Variants in IQCM observed in about 807,000 individuals in gnomAD.
IQCM encodes the protein IQ motif containing M.
Under a neutral mutation model 57.6 loss-of-function variants are expected in IQCM, and 45 were observed. That is an observed-to-expected ratio of 0.78 (90% CI 0.62 to 1.00). The LOEUF (loss-of-function observed/expected upper bound fraction) is 1.00, where lower values mean the gene tolerates loss of function less well. Among genes scored for constraint, IQCM ranks in the 50% least tolerant of loss-of-function variants. The pLI is 0.00. For synonymous variants in IQCM, 148 were observed against 158.9 expected, an observed-to-expected ratio of 0.93 and a Z score of 0.51; for missense variants, 468 against 511.6, an observed-to-expected ratio of 0.91 and a Z score of 0.82.
intron 13 of IQCM, among the ~76,000 whole-genome samples, chr4:149,384,575 T>C (rs1202843308): frequency 6.6e-6 from 1 of 152,146 alleles, no homozygotes; most frequent in Non-Finnish European, 1.5e-5. Context: ...AAACCTCTTT[T>C]ACTTTGTCTA....
At chr4:149,594,597 C>G (rs1457063977) in intron 8 of IQCM, among the ~76,000 whole-genome samples, 1 of 152,170 alleles carries the variant, frequency 6.6e-6, no homozygotes, top group Non-Finnish European at 1.5e-5. Context: ...GCATTTAGTG[C>G]TATAAATTTC....
At chr4:149,782,551 T>C (rs567013443) in intron 2 of IQCM, among the ~76,000 whole-genome samples, 2 of 150,262 alleles carry the variant, frequency 1.3e-5, no homozygotes, top group Admixed American at 6.7e-5. Flanking sequence ...CAATGAGCTA[T>C]GATCATGCCA....
intron 2 of IQCM, among the ~76,000 whole-genome samples, chr4:149,806,291 C>T (rs28535298): frequency 0.023 from 3,431 of 151,792 alleles, 102 homozygotes; most frequent in African/African-American, 0.068. Flanking sequence ...GGAGGTATAT[C>T]GGTCACCTCA....
In IQCM at chr4:149,631,782, T is replaced by G. The variant is rs116181313; in HGVS notation, c.566-10538A>C. On this transcript the variant is annotated intron_variant, in intron 7 of 13. Transcript: ENST00000636793. Reference sequence around the variant, plus strand: ...ACTGCCACCTCTTAAGGAATGTTATTCTAATTGTTTTTTTCTCCATATCAA... The same window carrying G: ...ACTGCCACCTCTTAAGGAATGTTATGCTAATTGTTTTTTTCTCCATATCAA... Among the ~76,000 whole-genome samples the G allele has an allele frequency of 1.8e-3, 278 of 152,326 alleles. 1 individual carries two copies. Among genetic ancestry groups the G allele is most frequent in the African/African-American group, 6.4e-3 (266 of 41,584 alleles).
rs183291493 is a variant in IQCM at position 149,751,033 on chromosome 4, G to A, written c.-48-8294C>T. ...AGCTAATATTTACAAGGTCTGAAAT[G>A]GTTTTGGAGCGTTTATATGTAAGGG... On this transcript the variant is annotated intron_variant, in intron 2 of 13. Transcript: ENST00000636793. Among the ~76,000 whole-genome samples, 70 of 152,242 alleles carry A rather than the reference G, an allele frequency of 4.6e-4. No individual in the cohort carries two copies. The East Asian group carries it at 0.013, about 29-fold the overall frequency.
At chr4:149,570,110 TAAG>T (rs1308790993) in intron 9 of IQCM, among the ~76,000 whole-genome samples, 1 of 151,992 alleles carries the variant, frequency 6.6e-6, no homozygotes, top group African/African-American at 2.4e-5. Flanking sequence ...TTATGGAAAT[TAAG>T]AACACATTTT....
At chr4:149,790,061 G>T in intron 2 of IQCM, 1 of 525,548 alleles carries the variant, frequency 1.9e-6, no homozygotes, top group Admixed American at 3.1e-5. Context: ...CAGTGGATCA[G>T]CTTCACCAGG....
Position 149,682,170 on chromosome 4 carries a change from G to T in IQCM, c.513C>A (p.Val171=), listed in dbSNP as rs1023920269. The change falls in exon 7 of 14, where the codon GTC becomes GTA. Residue 171 remains valine, a synonymous_variant. Transcript: ENST00000636793. ...AGGTCCCAGGTTGTAAGTAAAGATG[G>T]ACAGGAAAGGGATAGAGTAATTCCA... ...RMLELLYPFP[V]HLYLQPGTSN... 7.3e-6 allele frequency: 9 copies of T among 1,225,746 alleles called. No homozygotes were observed. Among genetic ancestry groups the T allele is most frequent in the East Asian group, 3.2e-5 (1 of 31,586 alleles). 75.9% of individuals were successfully genotyped at this position (1,225,746 alleles called of 1,614,324 possible).
At chr4:149,578,049 C>T (rs1211687897) in intron 9 of IQCM, among the ~76,000 whole-genome samples, 1 of 151,722 alleles carries the variant, frequency 6.6e-6, no homozygotes, top group African/African-American at 2.4e-5. Flanking sequence ...AGAAATACTA[C>T]TGACTTTGGT....
chr4:149,599,418 G>T (rs555991287), intron 8 of IQCM, among the ~76,000 whole-genome samples: 1 of 152,206 alleles, frequency 6.6e-6, no homozygotes, highest in South Asian at 2.1e-4. Flanking sequence ...AAATTGTATG[G>T]AAATGTAAGA....
intron 12 of IQCM, among the ~76,000 whole-genome samples, chr4:149,498,619 G>A (rs1560917482): frequency 1.3e-5 from 2 of 152,104 alleles, no homozygotes; most frequent in African/African-American, 4.8e-5. Context: ...CAGTAGGGAG[G>A]CCCTCCCAGG....
intron 12 of IQCM, among the ~76,000 whole-genome samples, chr4:149,469,195 G>A (rs1739223165): frequency 6.6e-6 from 1 of 152,132 alleles, no homozygotes; most frequent in Admixed American, 6.6e-5. Context: ...GGAGGATTTT[G>A]AACCCACCGT....
At chr4:149,373,568 ATT>A (rs1470156096) in intron 13 of IQCM, among the ~76,000 whole-genome samples, 1 of 152,134 alleles carries the variant, frequency 6.6e-6, no homozygotes, top group African/African-American at 2.4e-5. Flanking sequence ...ACAGACTATA[ATT>A]TTGTCTATTA....
chr4:149,631,165 C>T (rs1757231466), intron 7 of IQCM, among the ~76,000 whole-genome samples: 1 of 152,172 alleles, frequency 6.6e-6, no homozygotes, highest in African/African-American at 2.4e-5. Context: ...ACACTTTACA[C>T]ATGTTGTCAT....
intron 12 of IQCM, among the ~76,000 whole-genome samples, chr4:149,449,669 A>G (rs572722120): frequency 4.0e-5 from 6 of 151,536 alleles, no homozygotes; most frequent in Non-Finnish European, 7.4e-5. Flanking sequence ...AAAGATCTCT[A>G]TAATGAAAAC....
chr4:149,590,098 A>T (rs1409944884), intron 8 of IQCM, among the ~76,000 whole-genome samples: 2 of 151,962 alleles, frequency 1.3e-5, no homozygotes, highest in African/African-American at 4.8e-5. Context: ...TGTTAAGTAA[A>T]ACAATCTCAG....
intron 13 of IQCM, among the ~76,000 whole-genome samples, chr4:149,366,783 G>A (rs1016019110): frequency 2.6e-5 from 4 of 151,824 alleles, no homozygotes; most frequent in African/African-American, 9.7e-5. Context: ...GGTTTGATGG[G>A]TGAATGGCAG....
chr4:149,526,630 T>C (rs1340759852), intron 12 of IQCM, among the ~76,000 whole-genome samples: 1 of 152,002 alleles, frequency 6.6e-6, no homozygotes, highest in African/African-American at 2.4e-5. Context: ...AATCCATGTT[T>C]AATGTATAAA....
intron 12 of IQCM, among the ~76,000 whole-genome samples, chr4:149,470,888 A>C (rs1271589328): frequency 6.6e-6 from 1 of 152,232 alleles, no homozygotes; most frequent in Non-Finnish European, 1.5e-5. Flanking sequence ...TAACGAAATG[A>C]AGGTAGAAAT....
Sources: allele counts gnomAD v4.1 joint callset (sites outside exome capture counted in the v4.1 genomes callset), GRCh38; gene constraint gnomAD v4.1.1; transcripts MANE v1.5; gene names NCBI Gene and HGNC (gene_info 2026-07-23, HGNC 2026-07-21).